Variants in PHLDB2 observed in about 807,000 individuals in gnomAD.
PHLDB2 encodes the protein pleckstrin homology-like domain family B member 2.
In PHLDB2, 71 loss-of-function variants were observed where a neutral mutation model predicts 123.6. The ratio of observed to expected loss-of-function variants is 0.57; its 90% CI spans 0.47 to 0.70. The LOEUF (loss-of-function observed/expected upper bound fraction) is 0.70. Among genes scored for constraint, PHLDB2 ranks in the 30% least tolerant of loss-of-function variants. The probability of loss-of-function intolerance (pLI) is 0.00; values close to 1 mark genes in which losing one functional copy is unlikely to be tolerated. For synonymous variants in PHLDB2, 547 were observed against 541.6 expected, an observed-to-expected ratio of 1.01 and a Z score of -0.14; for missense variants, 1,446 against 1,519.5, an observed-to-expected ratio of 0.95 and a Z score of 0.80.
chr3:111,813,937 C>T (rs2061957440), intron 1 of PHLDB2, among the ~76,000 whole-genome samples: 1 of 152,182 alleles, frequency 6.6e-6, no homozygotes. Flanking sequence ...ACTTAAGGGG[C>T]TTCTTTTTAT....
At chr3:111,947,495 A>G (rs964046504) in intron 9 of PHLDB2, among the ~76,000 whole-genome samples, 7 of 151,728 alleles carry the variant, frequency 4.6e-5, no homozygotes, top group African/African-American at 1.7e-4. Context: ...TAAAGGGGTG[A>G]TTGATTTATA....
At position 111,824,126 on chromosome 3, in the gene PHLDB2, T is replaced by C. The variant is rs1402698847; in HGVS notation, c.-48-21695T>C. 5.9e-5 allele frequency among the ~76,000 whole-genome samples: 9 copies of C among 152,300 alleles called. No homozygotes were observed. In the East Asian group the frequency reaches 1.7e-3, roughly 29 times the overall value. On this transcript the variant is annotated intron_variant, in intron 1 of 17. Transcript: ENST00000393923. ...CCTCTCTCCTTGCTTTGAAAAGCAATAAAATTCTTAGCCATACCCTCTGAT... is the reference window on the plus strand; with the variant it reads ...CCTCTCTCCTTGCTTTGAAAAGCAACAAAATTCTTAGCCATACCCTCTGAT...
intron 1 of PHLDB2, among the ~76,000 whole-genome samples, chr3:111,758,724 C>G (rs569441316): frequency 3.3e-5 from 5 of 152,328 alleles, no homozygotes; most frequent in African/African-American, 1.2e-4. Flanking sequence ...CAGACTGGAG[C>G]TGTTCCTATT....
At chr3:111,920,905 T>C (rs1577087385) in intron 5 of PHLDB2, among the ~76,000 whole-genome samples, 1 of 152,284 alleles carries the variant, frequency 6.6e-6, no homozygotes, top group African/African-American at 2.4e-5. Context: ...TTTGCCTTGC[T>C]ATTGTTTTCA....
Position 111,932,296 on chromosome 3 carries a change from G to GA in PHLDB2, c.2034dup (p.Leu679ThrfsTer20). 3 of 1,551,450 alleles carry GA rather than the reference G, an allele frequency of 1.9e-6. No homozygotes were observed. The highest frequency in any genetic ancestry group is 2.6e-6 in the Non-Finnish European group (3 of 1,146,744). ...GAAGGTAAAGCTTGATGCTGAAAGGGAAAAACTAGAGAGGCTTCAGGAGCT... is the reference window on the plus strand; with the variant it reads ...GAAGGTAAAGCTTGATGCTGAAAGGGAAAAAACTAGAGAGGCTTCAGGAGCT... On this transcript the variant is annotated frameshift_variant, in exon 6 of 18. Transcript: ENST00000431670. LOFTEE classifies it high-confidence loss of function.
chr3:111,818,296 C>T (rs2062198243), intron 1 of PHLDB2, among the ~76,000 whole-genome samples: 5 of 151,774 alleles, frequency 3.3e-5, no homozygotes, highest in African/African-American at 1.2e-4. Context: ...AAGTGGAATC[C>T]TCTTAGAAGC....
chr3:111,786,053 C>T (rs1042270987), intron 1 of PHLDB2, among the ~76,000 whole-genome samples: 3 of 152,044 alleles, frequency 2.0e-5, no homozygotes, highest in Admixed American at 2.0e-4. Context: ...AAATGAGGTA[C>T]AGTTATCCCT....
At chr3:111,763,920 G>A (rs1461592769) in intron 1 of PHLDB2, among the ~76,000 whole-genome samples, 2 of 152,138 alleles carry the variant, frequency 1.3e-5, no homozygotes, top group Non-Finnish European at 2.9e-5. Flanking sequence ...AAGCTACCCA[G>A]TCTATGATAA....
chr3:111,843,416 C>T lies in PHLDB2; in HGVS notation c.-48-2405C>T, dbSNP rs73226366. On this transcript the variant is annotated intron_variant, in intron 1 of 17. Transcript: ENST00000393923. ...GTATTTTGATTTTTTTATTAGACAG[C>T]GTCTTGCTCTGTTGCCCAGGCTGGA... Among the ~76,000 whole-genome samples the T allele has an allele frequency of 9.1e-3, 1,390 of 152,254 alleles. 14 individuals are homozygous for T. The highest frequency in any genetic ancestry group is 0.013 in the Non-Finnish European group (868 of 68,028).
At chr3:111,894,275 G>A (rs1188385929) in intron 2 of PHLDB2, among the ~76,000 whole-genome samples, 4 of 152,000 alleles carry the variant, frequency 2.6e-5, no homozygotes, top group Non-Finnish European at 5.9e-5. Context: ...ATTCCATGGT[G>A]TATATGTGCC....
intron 1 of PHLDB2, among the ~76,000 whole-genome samples, chr3:111,734,262 G>A (rs1012719849): frequency 1.3e-5 from 2 of 152,184 alleles, no homozygotes. Context: ...TTTTGACGAG[G>A]GAAAAGGATC....
chr3:111,740,222 A>G (rs367714526), intron 1 of PHLDB2, among the ~76,000 whole-genome samples: 4 of 152,188 alleles, frequency 2.6e-5, no homozygotes, highest in South Asian at 4.1e-4. Flanking sequence ...AAGAACCACA[A>G]TCACAAGTGA....
intron 1 of PHLDB2, among the ~76,000 whole-genome samples, chr3:111,817,687 C>T (rs4610200): frequency 0.39 from 59,734 of 151,932 alleles, 12,047 homozygotes; most frequent in South Asian, 0.48. Context: ...ACCGTGGTTC[C>T]CCAGGTAGAC....
At chr3:111,934,207 A>G (rs1005274895) in intron 6 of PHLDB2, among the ~76,000 whole-genome samples, 1 of 152,110 alleles carries the variant, frequency 6.6e-6, no homozygotes, top group African/African-American at 2.4e-5. Flanking sequence ...AGTTCACCTT[A>G]TATTAAGAGG....
At chr3:111,917,942 A>G (rs576434884) in intron 3 of PHLDB2, among the ~76,000 whole-genome samples, 1 of 152,266 alleles carries the variant, frequency 6.6e-6, no homozygotes, top group South Asian at 2.1e-4. Context: ...AATTTACTCA[A>G]CTGGGCTGCT....
chr3:111,969,842 A>C lies in PHLDB2; in HGVS notation c.3468A>C (p.Lys1156Asn). 1 of 1,614,104 alleles carries C rather than the reference A, an allele frequency of 6.2e-7. No homozygotes were observed. Among genetic ancestry groups the C allele is most frequent in the Non-Finnish European group, 8.5e-7 (1 of 1,179,948 alleles). ...GATTCCTCATCAAAATGGGTGGGAA[A>C]ATTAAAACGTGGAAAAAACGTTGGT... ...CRGFLIKMGG[K>N]IKTWKKRWFV... The change falls in exon 16 of 18, where the codon AAA becomes AAC. Residue 1156 changes from lysine to asparagine, a missense_variant. Physicochemically the swap from Lys to Asn is moderately conservative, Grantham distance 94. Around this residue, in one of 3 missense-constraint regions of PHLDB2, gnomAD observed 594 missense variants for 646.0 expected, o/e 0.92. Transcript: ENST00000431670.
At chr3:111,756,844 G>C (rs1286630371) in intron 1 of PHLDB2, among the ~76,000 whole-genome samples, 1 of 152,066 alleles carries the variant, frequency 6.6e-6, no homozygotes, top group Non-Finnish European at 1.5e-5. Flanking sequence ...GGCAGGCCTG[G>C]TGGTGACAAA....
At chr3:111,908,877 G>A (rs575543304) in intron 2 of PHLDB2, among the ~76,000 whole-genome samples, 1 of 152,234 alleles carries the variant, frequency 6.6e-6, no homozygotes, top group African/African-American at 2.4e-5. Flanking sequence ...CCTGCTGTCA[G>A]CACCAGCTTT....
intron 1 of PHLDB2, among the ~76,000 whole-genome samples, chr3:111,864,068 A>C (rs112991918): frequency 7.4e-4 from 112 of 152,322 alleles, no homozygotes; most frequent in African/African-American, 2.4e-3. Context: ...GAAAAGTGTT[A>C]AGATAGTTTC....
Sources: allele counts gnomAD v4.1 joint callset (sites outside exome capture counted in the v4.1 genomes callset), GRCh38; gene constraint gnomAD v4.1.1; regional missense constraint gnomAD v4.1.1; transcripts MANE v1.5; gene names NCBI Gene and HGNC (gene_info 2026-07-23, HGNC 2026-07-21).